PIEZO2: variants seen among roughly 807,000 people sequenced by gnomAD.
PIEZO2 encodes piezo-type mechanosensitive ion channel component 2.
A neutral mutation model predicts 337.3 loss-of-function variants in PIEZO2; 172 were observed. The ratio of observed to expected loss-of-function variants is 0.51; its 90% confidence interval spans 0.45 to 0.58. The LOEUF (loss-of-function observed/expected upper bound fraction) is 0.58. PIEZO2 is among the 20% of genes least tolerant of loss of function. The probability of loss-of-function intolerance (pLI) is 0.00; values close to 1 mark genes in which losing one functional copy is unlikely to be tolerated. For missense variants in PIEZO2, 3,028 were observed against 3,391.3 expected, an observed-to-expected ratio of 0.89 and a Z score of 2.66; for synonymous variants, 1,251 against 1,228.5, an observed-to-expected ratio of 1.02 and a Z score of -0.38.
chr18:10,694,243 C>T (rs772906950), intron 47 of PIEZO2, among the ~76,000 whole-genome samples: 9 of 152,056 alleles, frequency 5.9e-5, no homozygotes, highest in African/African-American at 1.2e-4. Context: ...ATACTGAAAT[C>T]GAACGGTCAG....
chr18:10,737,462 A>G (rs946609362), intron 33 of PIEZO2, among the ~76,000 whole-genome samples: 5 of 152,188 alleles, frequency 3.3e-5, no homozygotes, highest in African/African-American at 1.2e-4. Context: ...AATGGCAGAC[A>G]GGGTCCATAG....
intron 4 of PIEZO2, among the ~76,000 whole-genome samples, chr18:10,902,034 G>A (rs1228039219): frequency 6.6e-6 from 1 of 152,168 alleles, no homozygotes; most frequent in Non-Finnish European, 1.5e-5. Context: ...AGAGGTGAGA[G>A]GCAGGCCAGC....
At position 11,143,569 on chromosome 18, in the gene PIEZO2, G is replaced by T. The variant is rs1422043768; in HGVS notation, c.64+4956C>A. On this transcript the variant is annotated intron_variant, in intron 1 of 55. Coordinates refer to ENST00000674853, the MANE Select transcript of PIEZO2 (RefSeq NM_001378183.1). The surrounding 1 kb of genome is among the most constrained non-coding windows in gnomAD (Gnocchi z 4.9). ...AGATTTGGAATATTGAGTAAAACTG[G>T]TGAGAAAAATCCTGAGAACTAAAAA... 2.0e-5 allele frequency among the ~76,000 whole-genome samples: 3 copies of T among 150,566 alleles called. No individual in the cohort carries two copies. Among genetic ancestry groups the T allele is most frequent in the East Asian group, 3.9e-4 (2 of 5,096 alleles).
intron 23 of PIEZO2, 140 bp downstream of exon 23, chr18:10,762,360 T>C (rs2038170136): frequency 9.5e-7 from 1 of 1,054,444 alleles, no homozygotes; most frequent in Non-Finnish European, 1.3e-6. Context: ...ACACTTAGAG[T>C]TTGTTGCAAA....
At chr18:11,006,041 T>A (rs1036114112) in intron 2 of PIEZO2, among the ~76,000 whole-genome samples, 1 of 151,438 alleles carries the variant, frequency 6.6e-6, no homozygotes, top group African/African-American at 2.4e-5. Context: ...ATTTCTCTCG[T>A]TGGATCTTAC....
At chr18:10,860,509 T>A (rs539747254) in intron 5 of PIEZO2, among the ~76,000 whole-genome samples, 1 of 152,130 alleles carries the variant, frequency 6.6e-6, no homozygotes, top group South Asian at 2.1e-4. Flanking sequence ...ACCAGAGCTA[T>A]CGCCAGGACA....
chr18:10,709,614 G>C (rs891133767), intron 39 of PIEZO2: 1 of 152,318 alleles, frequency 6.6e-6, no homozygotes, highest in Non-Finnish European at 1.5e-5. Context: ...AGGATCCTGA[G>C]GCAGAGATGG....
intron 39 of PIEZO2, among the ~76,000 whole-genome samples, chr18:10,711,393 C>G (rs1463235445): frequency 6.6e-6 from 1 of 151,960 alleles, no homozygotes; most frequent in Admixed American, 6.5e-5. Flanking sequence ...AAGCCAGGCT[C>G]ATGTGTGATA....
intron 2 of PIEZO2, among the ~76,000 whole-genome samples, chr18:11,017,016 C>G (rs112834202): frequency 3.3e-5 from 5 of 152,184 alleles, no homozygotes; most frequent in African/African-American, 1.2e-4. Context: ...GTGGAAGAAC[C>G]AGGTACACCA....
In PIEZO2 at chr18:11,129,982, C is replaced by T. The variant is rs971801516; in HGVS notation, c.64+18543G>A. 3.3e-5 allele frequency among the ~76,000 whole-genome samples: 5 copies of T among 152,300 alleles called. No homozygotes were observed. Among genetic ancestry groups the T allele is most frequent in the African/African-American group, 1.2e-4 (5 of 41,582 alleles). ...ACATACTCAGCAGCTGGCAGAACCC[C>T]CACATTGGCTCCCTGACTAGTAGGG... is the stretch of plus-strand genomic sequence containing the variant. On this transcript the variant is annotated intron_variant, in intron 1 of 55. Transcript: ENST00000674853. The surrounding 1 kb of genome is among the most constrained non-coding windows in gnomAD (Gnocchi z 4.6).
intron 2 of PIEZO2, among the ~76,000 whole-genome samples, chr18:10,987,128 A>T (rs1337672491): frequency 6.6e-6 from 1 of 152,086 alleles, no homozygotes; most frequent in African/African-American, 2.4e-5. Context: ...AGATGCCCAT[A>T]CTGCCAAAAG....
In PIEZO2 at chr18:10,846,704, A is replaced by C. The variant is rs563758199; in HGVS notation, c.917+8649T>G. On this transcript the variant is annotated intron_variant, in intron 7 of 55. Coordinates refer to ENST00000674853, the MANE Select transcript of PIEZO2 (RefSeq NM_001378183.1). This position sits in a 1 kb window ranked among gnomAD's most constrained non-coding sequence, Gnocchi z 4.1. ...GCACAGAATAATTGCCTACAAGATA[A>C]TTTTCCTTCCTTATAAAGGAAGATG... Among the ~76,000 whole-genome samples the C allele has an allele frequency of 1.3e-5, 2 of 152,218 alleles. No homozygotes were observed. The highest frequency in any genetic ancestry group is 4.1e-4 in the South Asian group (2 of 4,824).
At chr18:11,136,244 T>C (rs2040483948) in intron 1 of PIEZO2, among the ~76,000 whole-genome samples, 1 of 152,216 alleles carries the variant, frequency 6.6e-6, no homozygotes, top group Non-Finnish European at 1.5e-5. Context: ...GGTGATGCAA[T>C]GGCAACCACG....
intron 53 of PIEZO2, among the ~76,000 whole-genome samples, chr18:10,675,752 G>A (rs530307412): frequency 6.6e-6 from 1 of 152,298 alleles, no homozygotes; most frequent in Non-Finnish European, 1.5e-5. Context: ...ATCCCCACAT[G>A]TTATGGGAGG....
rs554428411 is a variant in PIEZO2, at chr18:10,931,191, G to GTATT, written c.287-19967_287-19964dup. Among the ~76,000 whole-genome samples, 526 of 151,660 alleles carry GTATT rather than the reference G, an allele frequency of 3.5e-3. 2 individuals are homozygous for GTATT. Among genetic ancestry groups the GTATT allele is most frequent in the African/African-American group, 0.011 (462 of 41,346 alleles). ...ATATATATCTACTTATAATTTTATT[G>GTATT]TATTTATTTATTTATTTATTCTGAG... On this transcript the variant is annotated intron_variant, in intron 3 of 55. Transcript: ENST00000674853.
rs1298923837 is a variant in PIEZO2 at position 11,129,185 on chromosome 18, C to T, written c.64+19340G>A. Among the ~76,000 whole-genome samples the T allele has an allele frequency of 6.6e-6, 1 of 152,122 alleles. No homozygotes were observed. Among genetic ancestry groups the T allele is most frequent in the Non-Finnish European group, 1.5e-5 (1 of 68,026 alleles). Reference sequence around the variant, plus strand: ...GCTGAGAGGGTCCAGAAGATATACCCTTGACCAATGCCTTGTGAAACAGAT... The same window carrying T: ...GCTGAGAGGGTCCAGAAGATATACCTTTGACCAATGCCTTGTGAAACAGAT... On this transcript the variant is annotated intron_variant, in intron 1 of 55. Transcript: ENST00000674853. This position sits in a 1 kb window ranked among gnomAD's most constrained non-coding sequence, Gnocchi z 4.6.
Position 10,724,558 on chromosome 18 carries a change from C to G in PIEZO2, c.5030-6299G>C, listed in dbSNP as rs1423192551. The stretch of plus-strand genomic sequence containing the variant: ...GGTCTCCACATACCCTTCTGTGTCC[C>G]CAGAAGTCGACAGTGTGGGGAGTTG... On this transcript the variant is annotated intron_variant, in intron 36 of 55. Coordinates refer to ENST00000674853, the MANE Select transcript of PIEZO2 (RefSeq NM_001378183.1). The surrounding 1 kb of genome is among the most constrained non-coding windows in gnomAD (Gnocchi z 5.8). The G allele has an allele frequency of 1.8e-6, 1 of 554,308 alleles. No individual in the cohort carries two copies. Among genetic ancestry groups the G allele is most frequent in the Non-Finnish European group, 3.3e-6 (1 of 305,136 alleles). 34.3% of individuals were successfully genotyped at this position (554,308 alleles called of 1,614,324 possible).
intron 37 of PIEZO2, 145 bp from the exon 38 acceptor site, chr18:10,715,961 G>A (rs1036322167): frequency 6.0e-6 from 4 of 663,286 alleles, no homozygotes; most frequent in South Asian, 2.1e-5. Context: ...TACTCATGAC[G>A]CACGGAGGAG....
At chr18:10,898,628 A>T (rs142033399) in intron 4 of PIEZO2, among the ~76,000 whole-genome samples, 1 of 152,280 alleles carries the variant, frequency 6.6e-6, no homozygotes, top group East Asian at 1.9e-4. Flanking sequence ...TTTAGTAAAA[A>T]TAATTTTGTT....
Sources: gnomAD v4.1 joint callset for allele counts (sites outside exome capture counted in the v4.1 genomes callset) on GRCh38, gnomAD v4.1.1 for gene constraint, Gnocchi (gnomAD v3.1) non-coding constraint, MANE v1.5 for transcripts, NCBI Gene and HGNC (gene_info 2026-07-23, HGNC 2026-07-21) for gene names.